FERMT2: variants seen among roughly 807,000 people sequenced by gnomAD.
FERMT2 encodes FERM domain containing kindlin 2.
FERMT2 carries 15 observed loss-of-function variants against 82.7 expected under a neutral mutation model. That is an observed-to-expected ratio of 0.18 (90% CI 0.12 to 0.28). The LOEUF (loss-of-function observed/expected upper bound fraction) is 0.28, where lower values mean the gene tolerates loss of function less well. Among genes scored for constraint, FERMT2 ranks in the 10% least tolerant of loss-of-function variants. FERMT2 has a pLI of 1.00. For synonymous variants in FERMT2, 274 were observed against 271.5 expected (o/e 1.01, Z -0.09); for missense variants, 645 against 809.4 (o/e 0.80, Z 2.46).
intron 3 of FERMT2, among the ~76,000 whole-genome samples, chr14:52,897,999 C>CAAA (rs113303344): frequency 3.8e-5 from 5 of 133,118 alleles, no homozygotes. Flanking sequence ...AAAAAACAAC[C>CAAA]AAAAAAAAAA....
rs370413868 is a variant in FERMT2 at position 52,859,717 on chromosome 14, A to G, written c.1728-3T>C. 1.2e-5 allele frequency: 18 copies of G among 1,560,794 alleles called. No individual in the cohort carries two copies. Among genetic ancestry groups the G allele is most frequent in the African/African-American group, 1.1e-4 (8 of 73,028 alleles). On this transcript the variant is annotated splice_region_variant and splice_polypyrimidine_tract_variant and intron_variant, in intron 13 of 14. Coordinates refer to ENST00000341590, the MANE Select transcript of FERMT2 (RefSeq NM_006832.3). ...CTTCTTTTTTGCCCCCTTGGAACCT[A>G]TAACATTTAAGAAAAGAACGGTTAA...
chr14:52,908,486 T>C (rs2077788353), intron 3 of FERMT2, among the ~76,000 whole-genome samples: 3 of 152,154 alleles, frequency 2.0e-5, no homozygotes, highest in South Asian at 2.1e-4. Flanking sequence ...AGTAATAAGA[T>C]GGAGTTGATA....
At chr14:52,863,656 G>T (rs139141217) in intron 12 of FERMT2, 1 of 152,272 alleles carries the variant, frequency 6.6e-6, no homozygotes, top group African/African-American at 2.4e-5. Flanking sequence ...ACCAAACTGT[G>T]TAACTATGTG....
At chr14:52,861,151 C>T in intron 12 of FERMT2, 1 of 854,582 alleles carries the variant, frequency 1.2e-6, no homozygotes, top group Non-Finnish European at 1.8e-6. Context: ...AAAATTCCAG[C>T]CAAAAGTCAT....
intron 2 of FERMT2, among the ~76,000 whole-genome samples, chr14:52,928,902 G>A (rs961984877): frequency 7.9e-5 from 12 of 151,976 alleles, no homozygotes; most frequent in South Asian, 2.1e-4. Flanking sequence ...CACCTCCTAC[G>A]CTCTGCTGCC....
At chr14:52,882,409 G>A (rs1002666245) in intron 4 of FERMT2, among the ~76,000 whole-genome samples, 5 of 151,994 alleles carry the variant, frequency 3.3e-5, no homozygotes, top group East Asian at 1.9e-4. Context: ...TAGAGGTTAC[G>A]TAAATAACAA....
At chr14:52,877,574 C>CTTTAATTTTTTTTTTTTTTTT (rs771194186) in intron 7 of FERMT2, among the ~76,000 whole-genome samples, 1 of 67,062 alleles carries the variant, frequency 1.5e-5, no homozygotes, top group African/African-American at 6.1e-5. Context: ...GCTGTTCTTG[C>CTTTAATTTTTTTTTTTTTTTT]TTTTTTTTTT....
intron 3 of FERMT2, among the ~76,000 whole-genome samples, chr14:52,907,713 A>T (rs1888096736): frequency 6.6e-6 from 1 of 152,132 alleles, no homozygotes; most frequent in African/African-American, 2.4e-5. Flanking sequence ...TAGCAAAACG[A>T]AGGTCGTAAT....
At chr14:52,935,891 T>C (rs1184696947) in intron 2 of FERMT2, among the ~76,000 whole-genome samples, 1 of 152,210 alleles carries the variant, frequency 6.6e-6, no homozygotes, top group Non-Finnish European at 1.5e-5. Context: ...CTATAAGACA[T>C]ACTAACTCAA....
chr14:52,887,202 C>T (rs1265046058), intron 4 of FERMT2, among the ~76,000 whole-genome samples: 2 of 150,132 alleles, frequency 1.3e-5, no homozygotes, highest in Admixed American at 1.3e-4. Context: ...ATGGTGCGAT[C>T]TTGGCTCACT....
intron 4 of FERMT2, among the ~76,000 whole-genome samples, chr14:52,891,648 G>C (rs1194262906): frequency 6.6e-6 from 1 of 152,158 alleles, no homozygotes; most frequent in Non-Finnish European, 1.5e-5. Context: ...TGCTCTGTGA[G>C]TGCTGCTTTC....
chr14:52,884,056 T>C (rs1886443080), intron 4 of FERMT2, among the ~76,000 whole-genome samples: 1 of 152,160 alleles, frequency 6.6e-6, no homozygotes, highest in Admixed American at 6.5e-5. Context: ...AATGAACAAA[T>C]ACAATCACAC....
chr14:52,893,230 G>A (rs1887055447), intron 4 of FERMT2, 63 bp downstream of exon 4: 1 of 1,424,124 alleles, frequency 7.0e-7, no homozygotes, highest in Non-Finnish European at 9.3e-7. Flanking sequence ...CCCACCACCA[G>A]AAAGACAAAG....
rs768287324 is a variant in FERMT2 at position 52,950,386 on chromosome 14, T to C, written c.157+26A>G. ...CCTACCAATTCTGGGAAGTCATTAG[T>C]TGGACGCGGCTGGGATGCTACTCAC... On this transcript the variant is annotated intron_variant, in intron 2 of 14. Transcript: ENST00000341590. 5 of 1,606,190 alleles carry C rather than the reference T, an allele frequency of 3.1e-6. No individual in the cohort carries two copies. In the South Asian group the frequency reaches 5.5e-5, roughly 18 times the overall value.
rs139089753 is a variant in FERMT2, at chr14:52,935,232, A to C, written c.157+15180T>G. 9.2e-5 allele frequency among the ~76,000 whole-genome samples: 14 copies of C among 152,348 alleles called. No homozygotes were observed. The East Asian group carries it at 1.9e-3, about 21-fold the overall frequency. On this transcript the variant is annotated intron_variant, in intron 2 of 14. Coordinates refer to ENST00000341590, the MANE Select transcript of FERMT2 (RefSeq NM_006832.3). ...TCTGCTAGCAGAAGCTGTAAACTTC[A>C]AAGTTTACATATCATTCAAACTGCA...
chr14:52,916,108 C>T (rs751523620), intron 3 of FERMT2, among the ~76,000 whole-genome samples: 3 of 152,000 alleles, frequency 2.0e-5, no homozygotes, highest in African/African-American at 4.8e-5. Flanking sequence ...CTTTGGGAGG[C>T]GGAGGTGGGT....
At chr14:52,896,226 G>C (rs928786644) in intron 3 of FERMT2, among the ~76,000 whole-genome samples, 14 of 152,150 alleles carry the variant, frequency 9.2e-5, no homozygotes, top group Admixed American at 8.5e-4. Context: ...GTATCACAAT[G>C]TCTGGCAGCA....
At chr14:52,918,394 T>C (rs1292351622) in intron 3 of FERMT2, among the ~76,000 whole-genome samples, 1 of 152,234 alleles carries the variant, frequency 6.6e-6, no homozygotes, top group Non-Finnish European at 1.5e-5. Context: ...TATTCATTGA[T>C]TCTTTTACAA....
intron 13 of FERMT2, 169 bp downstream of exon 13, chr14:52,860,172 T>G: frequency 1.7e-6 from 1 of 575,848 alleles, no homozygotes; most frequent in East Asian, 3.2e-5. Context: ...ATTTTTAATG[T>G]AGAAATTAAA....
Sources: gnomAD v4.1 joint callset for allele counts (sites outside exome capture counted in the v4.1 genomes callset) on GRCh38, gnomAD v4.1.1 for gene constraint, MANE v1.5 for transcripts, NCBI Gene and HGNC (gene_info 2026-07-23, HGNC 2026-07-21) for gene names.